Variants in HTT observed in about 807,000 individuals in gnomAD.
HTT encodes the protein huntington disease protein.
In HTT, 104 loss-of-function variants were observed where a neutral mutation model predicts 362.3. The ratio of observed to expected loss-of-function variants is 0.29; its 90% CI spans 0.24 to 0.34. The LOEUF is 0.34. HTT is among the 10% of genes least tolerant of loss of function. HTT has a pLI of 1.00. For synonymous variants in HTT, 1,577 were observed against 1,548.7 expected (o/e 1.02, Z -0.43); for missense variants, 3,301 against 3,928.6 (o/e 0.84, Z 4.27).
chr4:3,080,101 T>C (rs895588821), intron 1 of HTT, among the ~76,000 whole-genome samples: 6 of 152,096 alleles, frequency 3.9e-5, no homozygotes, highest in African/African-American at 1.4e-4. Flanking sequence ...CTCTTTCTTT[T>C]TTTTTTTTTT....
rs988481469 is a variant in HTT at position 3,209,699 on chromosome 4, G to A, written c.6292-128G>A. 4.4e-6 allele frequency: 5 copies of A among 1,135,348 alleles called. No homozygotes were observed. In the African/African-American group the frequency reaches 6.2e-5, roughly 14 times the overall value. 70.3% of individuals were successfully genotyped at this position (1,135,348 alleles called of 1,614,324 possible). A position where few individuals can be genotyped will look rare whatever the true frequency, so the allele number is the denominator to read the frequency against. ...GTGGTGAGCCGTATAGCCACAGCCT[G>A]CCGGCCGGCAGCCCTCTCAGCCTAG... On this transcript the variant is annotated intron_variant, in intron 46 of 66. Transcript: ENST00000355072.
intron 50 of HTT, 41 bp downstream of exon 50, chr4:3,214,176 C>G (rs182137830): frequency 5.1e-6 from 7 of 1,375,616 alleles, no homozygotes; most frequent in African/African-American, 2.9e-5. Context: ...TATCATAGTT[C>G]CTGTCTGCTT....
chr4:3,172,638 G>T (rs1718047341), intron 30 of HTT, among the ~76,000 whole-genome samples: 1 of 152,144 alleles, frequency 6.6e-6, no homozygotes, highest in African/African-American at 2.4e-5. Flanking sequence ...CTGCAACCTC[G>T]CTAGTTAACT....
At chr4:3,176,262 C>T (rs1418951916) in intron 33 of HTT, among the ~76,000 whole-genome samples, 3 of 152,076 alleles carry the variant, frequency 2.0e-5, no homozygotes, top group Non-Finnish European at 2.9e-5. Context: ...CTCCTGACCT[C>T]GTGATCTGCC....
intron 12 of HTT, among the ~76,000 whole-genome samples, chr4:3,127,996 G>A (rs935059784): frequency 6.6e-6 from 1 of 151,866 alleles, no homozygotes; most frequent in Admixed American, 6.6e-5. Flanking sequence ...GCAGTGGCTC[G>A]TTCTCAGCCC....
At chr4:3,179,477 T>G (rs1413295555) in intron 35 of HTT, among the ~76,000 whole-genome samples, 1 of 152,092 alleles carries the variant, frequency 6.6e-6, no homozygotes, top group Non-Finnish European at 1.5e-5. Flanking sequence ...TTCCTGTGTG[T>G]GCATGTCTCA....
intron 21 of HTT, among the ~76,000 whole-genome samples, chr4:3,137,842 C>T (rs765168048): frequency 7.9e-5 from 12 of 152,028 alleles, no homozygotes; most frequent in African/African-American, 2.4e-4. Flanking sequence ...TTTTTATTGG[C>T]GAAAGTATTC....
At chr4:3,200,446 G>A (rs1719474653) in intron 41 of HTT, among the ~76,000 whole-genome samples, 2 of 152,170 alleles carry the variant, frequency 1.3e-5, no homozygotes, top group African/African-American at 4.8e-5. Flanking sequence ...AAGGTTTTCA[G>A]GCTTAAGCTC....
rs1716409443 is a variant in HTT, at chr4:3,142,750, A to G, written c.2946-16A>G. Reference sequence around the variant, plus strand: ...TTTTAATAGTGTATTTTAAGTCTCTATATTTTTGTTATTAGAATATATAGA... The same window carrying G: ...TTTTAATAGTGTATTTTAAGTCTCTGTATTTTTGTTATTAGAATATATAGA... On this transcript the variant is annotated splice_polypyrimidine_tract_variant and intron_variant, in intron 22 of 66. Coordinates refer to ENST00000355072, the MANE Select transcript of HTT (RefSeq NM_001388492.1). The G allele has an allele frequency of 1.5e-6, 2 of 1,339,562 alleles. No individual in the cohort carries two copies. The highest frequency in any genetic ancestry group is 2.3e-5 in the East Asian group (1 of 43,398). 83.0% of individuals were successfully genotyped at this position (1,339,562 alleles called of 1,614,324 possible).
At chr4:3,096,885 G>A (rs1383890977) in intron 2 of HTT, among the ~76,000 whole-genome samples, 8 of 152,212 alleles carry the variant, frequency 5.3e-5, no homozygotes, top group African/African-American at 1.2e-4. Context: ...TTGGGAGGCC[G>A]AGGCAGGTGG....
Position 3,218,085 on chromosome 4 carries a change from C to T in HTT, c.7242+133C>T, listed in dbSNP as rs1303970781. The T allele has an allele frequency of 8.2e-6, 6 of 734,758 alleles. No homozygotes were observed. The highest frequency in any genetic ancestry group is 6.3e-5 in the Admixed American group (2 of 31,642). The allele number at this position is 734,758 out of a possible 1,614,324, so 45.5% of individuals were successfully genotyped here. The stretch of plus-strand genomic sequence containing the variant: ...CTGCCTGCTGTGGTTCTGGTGCCCA[C>T]TGTGGTTCTGGTGCCAGGCTGCTTT... On this transcript the variant is annotated intron_variant, in intron 52 of 66. Coordinates refer to ENST00000355072, the MANE Select transcript of HTT (RefSeq NM_001388492.1). The surrounding 1 kb of genome is among the most constrained non-coding windows in gnomAD (Gnocchi z 4.4).
At chr4:3,166,243 G>C (rs1482895030) in intron 29 of HTT, among the ~76,000 whole-genome samples, 1 of 152,210 alleles carries the variant, frequency 6.6e-6, no homozygotes, top group African/African-American at 2.4e-5. Context: ...ACCAGCAGAG[G>C]CTGCAGAACA....
intron 40 of HTT, among the ~76,000 whole-genome samples, chr4:3,191,758 A>G (rs773029530): frequency 3.3e-5 from 5 of 152,170 alleles, no homozygotes; most frequent in Non-Finnish European, 7.4e-5. Context: ...TGTAATTCAG[A>G]TTGTTAGGAG....
At position 3,212,648 on chromosome 4, in the gene HTT, A is replaced by G. The variant is rs1459245677; in HGVS notation, c.6713A>G (p.His2238Arg). ...GTGGTGGTCTCCAAACTGCCCAGTC[A>G]TTTGCACCTTCCTCCTGAGAAAGAG... ...YLVVVSKLPS[H>R]LHLPPEKEKD... The change falls in exon 49 of 67, where the codon CAT becomes CGT. Residue 2238 changes from histidine (H) to arginine (R), a missense_variant. His to Arg is a conservative substitution (Grantham distance 29, BLOSUM62 0). This residue lies in a region of HTT where 220 missense variants were observed against 218.5 expected (regional missense o/e 1.01). Transcript: ENST00000355072. 25 of 1,614,084 alleles carry G rather than the reference A, an allele frequency of 1.5e-5. No homozygotes were observed. Among genetic ancestry groups the G allele is most frequent in the Non-Finnish European group, 2.1e-5 (25 of 1,180,040 alleles).
At chr4:3,223,269 T>C in intron 54 of HTT, 137 bp from the exon 55 acceptor site, 1 of 803,308 alleles carries the variant, frequency 1.2e-6, no homozygotes, top group Non-Finnish European at 1.8e-6. Context: ...CCCCGTGAGC[T>C]CAGCCTGACA....
Position 3,179,934 on chromosome 4 carries a change from A to T in HTT, c.4613-581A>T, listed in dbSNP as rs139177564. Among the ~76,000 whole-genome samples, 256 of 152,252 alleles carry T rather than the reference A, an allele frequency of 1.7e-3. 2 individuals carry two copies. The highest frequency in any genetic ancestry group is 3.0e-3 in the Admixed American group (46 of 15,298). Reference sequence around the variant, plus strand: ...ATGTGCTCATGACATTGAGGGTCAGAGTGTGCCTGTGTGCCAATGAAAGGC... The same window carrying T: ...ATGTGCTCATGACATTGAGGGTCAGTGTGTGCCTGTGTGCCAATGAAAGGC... On this transcript the variant is annotated intron_variant, in intron 35 of 66. Transcript: ENST00000355072.
At chr4:3,231,029 G>A (rs921167871) in intron 60 of HTT, among the ~76,000 whole-genome samples, 24 of 152,236 alleles carry the variant, frequency 1.6e-4, no homozygotes, top group African/African-American at 5.5e-4. Flanking sequence ...TATTTGCCAA[G>A]TATCCATCAC....
In HTT at chr4:3,243,653, A is replaced by G. The variant is rs1222076305; in HGVS notation, c.*3594A>G. 1 of 152,250 alleles carries G rather than the reference A, an allele frequency of 6.6e-6. No individual in the cohort carries two copies. The highest frequency in any genetic ancestry group is 2.4e-5 in the African/African-American group (1 of 41,460). The allele number at this position is 152,250 out of a possible 1,614,324, so 9.4% of individuals were successfully genotyped here. The stretch of plus-strand genomic sequence containing the variant: ...TCTAAGAGCAGAGTCTCCCGCTGCA[A>G]TCTGGGTGGTAACTGCCAGCCTTGG... On this transcript the variant is annotated 3_prime_UTR_variant, in exon 67 of 67. Coordinates refer to ENST00000355072, the MANE Select transcript of HTT (RefSeq NM_001388492.1).
intron 36 of HTT, 146 bp from the exon 37 acceptor site, chr4:3,182,208 T>C (rs1718556293): frequency 3.4e-6 from 2 of 587,528 alleles, no homozygotes; most frequent in Non-Finnish European, 6.1e-6. Context: ...GGGGGTTGCA[T>C]TAGTGTCCCC....
Sources: allele counts gnomAD v4.1 joint callset (sites outside exome capture counted in the v4.1 genomes callset), GRCh38; gene constraint gnomAD v4.1.1; regional missense constraint gnomAD v4.1.1; non-coding constraint Gnocchi (gnomAD v3.1); transcripts MANE v1.5; gene names NCBI Gene and HGNC (gene_info 2026-07-23, HGNC 2026-07-21).